Variants in AFF2 observed in about 807,000 individuals in gnomAD.
AFF2 encodes ALF transcription elongation factor 2.
In AFF2, 14 loss-of-function variants were observed where a neutral mutation model predicts 76.9. That is an observed-to-expected ratio of 0.18 (90% CI 0.12 to 0.28). AFF2 has a LOEUF of 0.28. AFF2 is among the 10% of genes least tolerant of loss of function. The pLI is 1.00. For missense variants in AFF2, 868 were observed against 1,001.1 expected, an observed-to-expected ratio of 0.87 and a Z score of 1.79; for synonymous variants, 398 against 366.7, an observed-to-expected ratio of 1.09 and a Z score of -0.98.
At chrX:148,544,105 G>A (rs1002858529) in intron 1 of AFF2, among the ~76,000 whole-genome samples, 9 of 112,000 alleles carry the variant, frequency 8.0e-5, no homozygotes, top group Admixed American at 4.7e-4. Context: ...GTCACTAAGC[G>A]GGGACCTTGC....
intron 1 of AFF2, among the ~76,000 whole-genome samples, chrX:148,517,681 G>A (rs782564729): frequency 4.5e-5 from 5 of 111,581 alleles, no homozygotes; most frequent in Non-Finnish European, 7.5e-5. Flanking sequence ...GAATTCAACT[G>A]TACAGTATTG....
intron 9 of AFF2, among the ~76,000 whole-genome samples, chrX:148,913,846 A>G (rs1359263582): frequency 1.8e-5 from 2 of 112,243 alleles, no homozygotes; most frequent in Non-Finnish European, 1.9e-5. Context: ...TTTTATTTCA[A>G]TATTGCCGTG....
chrX:148,570,333 C>T (rs1310343782), intron 1 of AFF2, among the ~76,000 whole-genome samples: 1 of 112,265 alleles, frequency 8.9e-6, no homozygotes, highest in Non-Finnish European at 1.9e-5. Flanking sequence ...ACAACCTCTT[C>T]AATTTGAACC....
intron 4 of AFF2, among the ~76,000 whole-genome samples, chrX:148,820,819 T>C (rs1234232776): frequency 8.9e-6 from 1 of 111,800 alleles, no homozygotes. Flanking sequence ...GAAAAAACAA[T>C]TTAAGAGTTA....
At chrX:148,942,443 A>G (rs1557285673) in intron 9 of AFF2, among the ~76,000 whole-genome samples, 1 of 111,751 alleles carries the variant, frequency 8.9e-6, no homozygotes, top group African/African-American at 3.3e-5. Flanking sequence ...ATGATACAAC[A>G]TATTGTCACA....
At position 148,973,728 on chromosome X, in the gene AFF2, C is replaced by A. The variant is rs781965057; in HGVS notation, c.3404+121C>A. The A allele has an allele frequency of 5.6e-5, 41 of 733,765 alleles. No homozygotes were observed. In the South Asian group the frequency reaches 1.5e-3, roughly 27 times the overall value. 60.5% of individuals were successfully genotyped at this position (733,765 alleles called of 1,213,427 possible). On this transcript the variant is annotated intron_variant, in intron 16 of 20. Transcript: ENST00000370460. Reference sequence around the variant, plus strand: ...TTGTCCAAGCCATCCTCTTAGAAGTCATCATAATTAGTTCTTGCCATTTTA... The same window carrying A: ...TTGTCCAAGCCATCCTCTTAGAAGTAATCATAATTAGTTCTTGCCATTTTA...
At chrX:148,723,176 G>T (rs782787286) in intron 3 of AFF2, among the ~76,000 whole-genome samples, 5 of 111,974 alleles carry the variant, frequency 4.5e-5, no homozygotes, top group African/African-American at 1.6e-4. Flanking sequence ...CAGGGCAGAA[G>T]GCCAATTTAA....
chrX:148,560,333 C>T (rs922402587), intron 1 of AFF2, among the ~76,000 whole-genome samples: 4 of 111,616 alleles, frequency 3.6e-5, no homozygotes, highest in Admixed American at 1.9e-4. Flanking sequence ...TAGCCATATG[C>T]AGAAAACTGA....
At chrX:148,658,520 G>A (rs2054275141) in intron 2 of AFF2, among the ~76,000 whole-genome samples, 1 of 112,067 alleles carries the variant, frequency 8.9e-6, no homozygotes, top group Admixed American at 9.5e-5. Flanking sequence ...CATGCAGGCA[G>A]GCTTTCACTG....
intron 4 of AFF2, among the ~76,000 whole-genome samples, chrX:148,816,569 G>A (rs1557272175): frequency 9.0e-6 from 1 of 111,290 alleles, no homozygotes; most frequent in Non-Finnish European, 1.9e-5. Context: ...AACAGTATTA[G>A]AATAATGAGA....
At chrX:148,501,619 C>T (rs1434216276) in intron 1 of AFF2, among the ~76,000 whole-genome samples, 3 of 113,377 alleles carry the variant, frequency 2.6e-5, no homozygotes, top group African/African-American at 9.6e-5. Context: ...CCACCGCCCC[C>T]GCTGCCGCCA....
chrX:148,626,824 T>G (rs1446991081), intron 1 of AFF2, among the ~76,000 whole-genome samples: 2 of 111,603 alleles, frequency 1.8e-5, no homozygotes, highest in East Asian at 5.7e-4. Context: ...CATCTTGAGA[T>G]TCTTAATTTA....
At chrX:148,710,274 G>C (rs1557262799) in intron 3 of AFF2, among the ~76,000 whole-genome samples, 1 of 111,788 alleles carries the variant, frequency 8.9e-6, no homozygotes, top group African/African-American at 3.3e-5. Context: ...AATATATGCA[G>C]TGATAAAATG....
intron 3 of AFF2, among the ~76,000 whole-genome samples, chrX:148,663,508 G>A (rs2054328544): frequency 2.7e-5 from 3 of 112,451 alleles, no homozygotes. Flanking sequence ...AGGCACCAAA[G>A]CCTCTTCTAA....
intron 8 of AFF2, among the ~76,000 whole-genome samples, chrX:148,895,269 A>G (rs1447855833): frequency 2.7e-5 from 3 of 111,395 alleles, no homozygotes; most frequent in Non-Finnish European, 5.7e-5. Context: ...TTGTGCTTAC[A>G]ATAAAAATGG....
rs188254013 is a variant in AFF2 at position 148,839,662 on chromosome X, T to C, written c.1173+1929T>C. The stretch of plus-strand genomic sequence containing the variant: ...ATCTTCCAAAACATGGCCATCCCTA[T>C]ATGTAACAAAGGTGATTTCCCTTTC... On this transcript the variant is annotated intron_variant, in intron 5 of 20. Transcript: ENST00000370460. 6.2e-4 allele frequency among the ~76,000 whole-genome samples: 69 copies of C among 111,783 alleles called. 1 individual carries two copies. Among genetic ancestry groups the C allele is most frequent in the Admixed American group, 5.3e-3 (56 of 10,496 alleles).
At chrX:148,635,725 A>G (rs782634336) in intron 1 of AFF2, among the ~76,000 whole-genome samples, 1 of 111,138 alleles carries the variant, frequency 9.0e-6, no homozygotes, top group African/African-American at 3.3e-5. Flanking sequence ...TGAATCACAG[A>G]TGTTTGGGCA....
At chrX:148,638,638 C>G (rs782369307) in intron 1 of AFF2, among the ~76,000 whole-genome samples, 2 of 111,385 alleles carry the variant, frequency 1.8e-5, no homozygotes, top group African/African-American at 6.5e-5. Context: ...GGGGAGGCCT[C>G]AGGGAGCTTT....
chrX:148,852,680 T>C (rs2070745532), intron 7 of AFF2, among the ~76,000 whole-genome samples: 1 of 111,330 alleles, frequency 9.0e-6, no homozygotes, highest in Admixed American at 9.6e-5. Flanking sequence ...CCTGGCACCA[T>C]GAAATATTTT....
Sources: allele counts gnomAD v4.1 joint callset (sites outside exome capture counted in the v4.1 genomes callset), GRCh38; gene constraint gnomAD v4.1.1; transcripts MANE v1.5; gene names NCBI Gene and HGNC (gene_info 2026-07-23, HGNC 2026-07-21).